The following KIAA1586 variants were observed in gnomAD, a reference collection of about 807,000 sequenced individuals.
The protein encoded by KIAA1586 is KIAA1586.
Under a neutral mutation model 6.1 loss-of-function variants are expected in KIAA1586, and 5 were observed. The ratio of observed to expected loss-of-function variants is 0.82; its 90% CI spans 0.43 to 1.73. The LOEUF (loss-of-function observed/expected upper bound fraction) is 1.73, where lower values mean the gene tolerates loss of function less well. KIAA1586 is among the 40% of genes most tolerant of loss of function. The pLI, the probability that KIAA1586 is intolerant of heterozygous loss-of-function variation, is 0.02. For synonymous variants in KIAA1586, 280 were observed against 301.7 expected (o/e 0.93, Z 0.75); for missense variants, 899 against 878.2 (o/e 1.02, Z -0.30).
At chr6:57,050,967 C>A in intron 3 of KIAA1586, 113 bp downstream of exon 3, 1 of 734,060 alleles carries the variant, frequency 1.4e-6, no homozygotes, top group Non-Finnish European at 2.3e-6. Flanking sequence ...CGGTGGCTCT[C>A]GCTTGTAATC....
chr6:57,054,710 T>G lies in KIAA1586; in HGVS notation c.2211T>G (p.Asn737Lys), dbSNP rs752624892. 12 of 1,551,650 alleles carry G rather than the reference T, an allele frequency of 7.7e-6. No homozygotes were observed. Among genetic ancestry groups the G allele is most frequent in the Non-Finnish European group, 1.0e-5 (12 of 1,146,892 alleles). ...ATGTATCAGATTTAATGACAATAAA[T>G]TTACTGGGGAAAGAATTAGCAGATT... Reference protein sequence around the residue: ...IDHVSDLMTINLLGKELADWD... With the variant: ...IDHVSDLMTIKLLGKELADWD... Residue 737 changes from asparagine to lysine, a missense_variant, in exon 4 of 4, where the codon AAT (asparagine) becomes AAG (lysine). By Grantham distance (94) the Asn-to-Lys change is moderately conservative. Coordinates refer to ENST00000370733, the MANE Select transcript of KIAA1586 (RefSeq NM_020931.4).
intron 2 of KIAA1586, among the ~76,000 whole-genome samples, chr6:57,048,925 T>C (rs1828253005): frequency 6.6e-6 from 1 of 152,228 alleles, no homozygotes; most frequent in African/African-American, 2.4e-5. Flanking sequence ...AATAAATCAT[T>C]ATATTTTAAA....
chr6:57,051,917 T>C (rs1029340816), intron 3 of KIAA1586, among the ~76,000 whole-genome samples: 2 of 152,154 alleles, frequency 1.3e-5, no homozygotes, highest in African/African-American at 4.8e-5. Flanking sequence ...GAGTTTACGG[T>C]GAGCTGAGAT....
downstream of KIAA1586, among the ~76,000 whole-genome samples, chr6:57,059,917 C>A (rs1159634713): frequency 1.3e-5 from 2 of 152,164 alleles, no homozygotes; most frequent in African/African-American, 4.8e-5. Context: ...GTCTCTTTCA[C>A]CTCTCCTACT....
downstream of KIAA1586, among the ~76,000 whole-genome samples, chr6:57,058,194 A>T (rs1260767774): frequency 1.3e-5 from 2 of 152,190 alleles, no homozygotes; most frequent in Non-Finnish European, 2.9e-5. Flanking sequence ...CAGCTAAGTT[A>T]GGTTAAAAAA....
At position 57,054,385 on chromosome 6, in the gene KIAA1586, ATTAC is replaced by A. The variant is rs1462126616; in HGVS notation, c.1889_1892del (p.Tyr630LeufsTer14). On this transcript the variant is annotated frameshift_variant, in exon 4 of 4. Coordinates refer to ENST00000370733, the MANE Select transcript of KIAA1586 (RefSeq NM_020931.4). LOFTEE classifies it low-confidence loss of function (END_TRUNC). The stretch of plus-strand genomic sequence containing the variant: ...GACAGAAACCATGAAGATATTTTTA[ATTAC>A]TTTGATTTGCTGGAACCTTCCACAT... 3 of 1,608,860 alleles carry A rather than the reference ATTAC, an allele frequency of 1.9e-6. No individual in the cohort carries two copies. In the Admixed American group the frequency reaches 5.1e-5, roughly 27 times the overall value.
chr6:57,046,883 C>T (rs1168917046), intron 1 of KIAA1586, 107 bp downstream of exon 1: 2 of 1,442,810 alleles, frequency 1.4e-6, no homozygotes, highest in South Asian at 1.2e-5. Flanking sequence ...GGGGCGATAC[C>T]TCTTCAGTGT....
At chr6:57,066,276 A>T in the KIAA1586 span, among the ~76,000 whole-genome samples, 1 of 151,144 alleles carries the variant, frequency 6.6e-6, no homozygotes, top group Non-Finnish European at 1.5e-5. Context: ...GACTCCATCT[A>T]AAAAAAAAGG....
chr6:57,052,741 TGAA>T lies in KIAA1586; in HGVS notation c.247_249del (p.Lys83del). On this transcript the variant is annotated inframe_deletion, in exon 4 of 4. Coordinates refer to ENST00000370733, the MANE Select transcript of KIAA1586 (RefSeq NM_020931.4). The stretch of plus-strand genomic sequence containing the variant: ...GGTGATTTTTTGCATTTTTTAAATG[TGAA>T]GAAGGTGAAAACAGACACAGAAAAT... 6.3e-7 allele frequency: 1 copy of T among 1,594,148 alleles called. No homozygotes were observed. Among genetic ancestry groups the T allele is most frequent in the Non-Finnish European group, 8.5e-7 (1 of 1,172,228 alleles).
chr6:57,065,146 G>A, the KIAA1586 span, among the ~76,000 whole-genome samples: 1 of 151,948 alleles, frequency 6.6e-6, no homozygotes, highest in Admixed American at 6.6e-5. Context: ...TATTCTCTTT[G>A]CATTTTCTTA....
downstream of KIAA1586, among the ~76,000 whole-genome samples, chr6:57,056,439 C>T (rs1828499565): frequency 6.6e-6 from 1 of 150,780 alleles, no homozygotes; most frequent in African/African-American, 2.4e-5. Context: ...AAACTCCTGA[C>T]CTCAGGTGAT....
At chr6:57,046,951 A>G (rs1828212739) in intron 1 of KIAA1586, 175 bp downstream of exon 1, 3 of 888,374 alleles carry the variant, frequency 3.4e-6, no homozygotes, top group South Asian at 1.9e-5. Context: ...ACCCGCAGCA[A>G]CAATGGCCGC....
the KIAA1586 span, among the ~76,000 whole-genome samples, chr6:57,063,603 G>T: frequency 1.3e-5 from 2 of 151,506 alleles, no homozygotes; most frequent in Non-Finnish European, 2.9e-5. Context: ...ACAGGTGCAC[G>T]CCACCACAGT....
At chr6:57,061,584 G>A in the KIAA1586 span, among the ~76,000 whole-genome samples, 1 of 151,732 alleles carries the variant, frequency 6.6e-6, no homozygotes, top group Non-Finnish European at 1.5e-5. Context: ...GTAGAGACGG[G>A]GTCTTCTGTT....
In KIAA1586 at chr6:57,054,436, C is replaced by T. The variant is rs1646579962; in HGVS notation, c.1937C>T (p.Ser646Leu). Residue 646 changes from serine to leucine, a missense_variant, in exon 4 of 4, where the codon TCA becomes TTA. Ser to Leu is a moderately radical substitution (Grantham distance 145). Coordinates refer to ENST00000370733, the MANE Select transcript of KIAA1586 (RefSeq NM_020931.4). ...PSTWPYEEIT[S>L]PWIAGEKTLF... is the part of the protein sequence containing the mutation. ...ACATGGCCTTATGAAGAAATAACTT[C>T]ACCATGGATAGCTGGTGAAAAAACA... 6.2e-7 allele frequency: 1 copy of T among 1,607,674 alleles called. No homozygotes were observed. The highest frequency in any genetic ancestry group is 1.3e-5 in the African/African-American group (1 of 74,554).
Position 57,053,070 on chromosome 6 carries a change from C to T in KIAA1586, c.571C>T (p.Pro191Ser), listed in dbSNP as rs371660552. The T allele has an allele frequency of 6.2e-6, 10 of 1,611,644 alleles. No individual in the cohort carries two copies. The African/African-American group carries it at 1.3e-4, about 22-fold the overall frequency. Reference sequence around the variant, plus strand: ...GGAATGGATTGCATATTTAGTAACCCCTAATGGCAGTAATAAAACTACTAG... The same window carrying T: ...GGAATGGATTGCATATTTAGTAACCTCTAATGGCAGTAATAAAACTACTAG... ...SKEWIAYLVTPNGSNKTTRQA... is the reference protein window; with the variant it reads ...SKEWIAYLVTSNGSNKTTRQA... Residue 191 changes from proline (P) to serine (S), a missense_variant, in exon 4 of 4, where the codon CCT becomes TCT. Coordinates refer to ENST00000370733, the MANE Select transcript of KIAA1586 (RefSeq NM_020931.4).
downstream of KIAA1586, among the ~76,000 whole-genome samples, chr6:57,059,187 C>T (rs1350534278): frequency 6.6e-6 from 1 of 151,958 alleles, no homozygotes; most frequent in Non-Finnish European, 1.5e-5. Context: ...AATTATCACA[C>T]TTAATAACTA....
the KIAA1586 span, among the ~76,000 whole-genome samples, chr6:57,064,912 C>G: frequency 6.6e-6 from 1 of 152,266 alleles, no homozygotes; most frequent in Non-Finnish European, 1.5e-5. Flanking sequence ...TTTTGCTGGA[C>G]CTTTCTGAGA....
Position 57,053,954 on chromosome 6 carries a change from G to A in KIAA1586, c.1455G>A (p.Ala485=), listed in dbSNP as rs767756139. Residue 485 remains alanine, a synonymous_variant, in exon 4 of 4, where the codon GCG becomes GCA. Coordinates refer to ENST00000370733, the MANE Select transcript of KIAA1586 (RefSeq NM_020931.4). ...KIGRVMGPRW[A]ACSLQAATAV... is the part of the protein sequence containing the mutation. The stretch of plus-strand genomic sequence containing the variant: ...GTCGAGTAATGGGACCAAGATGGGC[G>A]GCATGTAGTTTACAAGCTGCTACTG... 38 of 1,584,198 alleles carry A rather than the reference G, an allele frequency of 2.4e-5. No homozygotes were observed. In the East Asian group the frequency reaches 3.1e-4, roughly 13 times the overall value.
Sources: allele counts gnomAD v4.1 joint callset (sites outside exome capture counted in the v4.1 genomes callset), GRCh38; gene constraint gnomAD v4.1.1; transcripts MANE v1.5; gene names NCBI Gene and HGNC (gene_info 2026-07-23, HGNC 2026-07-21).